Variants in HNRNPUL1 observed in about 807,000 individuals in gnomAD.
HNRNPUL1 encodes heterogeneous nuclear ribonucleoprotein U like 1, also known as heterogeneous nuclear ribonucleoprotein U-like protein 1.
In HNRNPUL1, 14 loss-of-function variants were observed where a neutral mutation model predicts 108.5. That is an observed-to-expected ratio of 0.13 (90% CI 0.09 to 0.20). HNRNPUL1 has a LOEUF of 0.20. HNRNPUL1 is among the 10% of genes least tolerant of loss of function. HNRNPUL1 has a pLI of 1.00. For missense variants in HNRNPUL1, 804 were observed against 1,168.3 expected (o/e 0.69, Z 4.55); for synonymous variants, 422 against 445.2 (o/e 0.95, Z 0.66).
intron 13 of HNRNPUL1, among the ~76,000 whole-genome samples, chr19:41,305,134 G>C (rs1412716346): frequency 6.6e-6 from 1 of 152,144 alleles, no homozygotes; most frequent in East Asian, 1.9e-4. Flanking sequence ...ATTTCATCTT[G>C]AGCCTCAGTT....
At chr19:41,276,476 C>A in intron 5 of HNRNPUL1, 178 bp downstream of exon 5, 1 of 600,804 alleles carries the variant, frequency 1.7e-6, no homozygotes, top group Non-Finnish European at 2.7e-6. Flanking sequence ...AATATCATAT[C>A]AGAAAAGCAG....
chr19:41,286,140 G>A (rs1296096974), intron 7 of HNRNPUL1, among the ~76,000 whole-genome samples: 1 of 150,564 alleles, frequency 6.6e-6, no homozygotes, highest in Non-Finnish European at 1.5e-5. Flanking sequence ...ACATAGGCTA[G>A]TGTCTACAAT....
At chr19:41,303,309 G>GTGAC (rs978002526) in intron 12 of HNRNPUL1, among the ~76,000 whole-genome samples, 7 of 151,016 alleles carry the variant, frequency 4.6e-5, no homozygotes, top group African/African-American at 1.7e-4. Flanking sequence ...AGGACTAGAT[G>GTGAC]TGACTCGTTC....
chr19:41,279,091 C>A lies in HNRNPUL1; in HGVS notation c.801C>A (p.Ile267=), dbSNP rs1486058555. ...TCTTTCCTCAGATCAATGAGGAAAT[C>A]TCCGTGAAGCACCTTCCGTCTACAG... is the stretch of plus-strand genomic sequence containing the variant. ...VCFEMKINEE[I]SVKHLPSTEP... is the part of the protein sequence containing the mutation. Residue 267 remains isoleucine (I), a synonymous_variant, in exon 6 of 15, where the codon ATC becomes ATA. Coordinates refer to ENST00000392006, the MANE Select transcript of HNRNPUL1 (RefSeq NM_007040.6). The A allele has an allele frequency of 6.2e-7, 1 of 1,613,978 alleles. No individual in the cohort carries two copies. Among genetic ancestry groups the A allele is most frequent in the Non-Finnish European group, 8.5e-7 (1 of 1,179,914 alleles).
intron 5 of HNRNPUL1, among the ~76,000 whole-genome samples, chr19:41,277,039 G>A (rs2035598467): frequency 6.6e-6 from 1 of 150,764 alleles, no homozygotes. Context: ...AGAGGTTGCA[G>A]TGAGCCGAGA....
At chr19:41,270,746 A>G (rs1268620193) in intron 2 of HNRNPUL1, among the ~76,000 whole-genome samples, 1 of 151,864 alleles carries the variant, frequency 6.6e-6, no homozygotes, top group Non-Finnish European at 1.5e-5. Context: ...CGGGCGTGCC[A>G]CCACACCCAG....
chr19:41,272,083 A>G lies in HNRNPUL1; in HGVS notation c.420A>G (p.Glu140=). ...EMEQQQAYRP[E]MKTEMKQGAP... Reference sequence around the variant, plus strand: ...CATCTGAATTTGTCTTGACAATAGAAATGAAGACAGAGATGAAGCAAGGAG... The same window carrying G: ...CATCTGAATTTGTCTTGACAATAGAGATGAAGACAGAGATGAAGCAAGGAG... Residue 140 remains glutamate (E), a splice_region_variant and synonymous_variant, in exon 3 of 15, where the codon GAA becomes GAG. Transcript: ENST00000392006. The G allele has an allele frequency of 1.9e-6, 3 of 1,613,780 alleles. No individual in the cohort carries two copies. Among genetic ancestry groups the G allele is most frequent in the Non-Finnish European group, 2.5e-6 (3 of 1,179,884 alleles).
chr19:41,271,343 A>G (rs535360002), intron 2 of HNRNPUL1, among the ~76,000 whole-genome samples: 38 of 152,288 alleles, frequency 2.5e-4, no homozygotes, highest in Middle Eastern at 3.4e-3. Context: ...TGTGAGCCCA[A>G]CCTATTGCTG....
chr19:41,275,341 C>T (rs1486636408), intron 4 of HNRNPUL1, among the ~76,000 whole-genome samples: 2 of 152,044 alleles, frequency 1.3e-5, no homozygotes, highest in Non-Finnish European at 2.9e-5. Context: ...ATAAAAATCA[C>T]CCTGGCATGG....
At chr19:41,279,818 G>A (rs1205989537) in intron 6 of HNRNPUL1, among the ~76,000 whole-genome samples, 5 of 152,212 alleles carry the variant, frequency 3.3e-5, no homozygotes, top group African/African-American at 1.2e-4. Context: ...TCCTAAACCT[G>A]TGAGAGAAAC....
chr19:41,264,997 A>C, intron 1 of HNRNPUL1, 199 bp downstream of exon 1: 1 of 1,359,578 alleles, frequency 7.4e-7, no homozygotes, highest in Non-Finnish European at 9.4e-7. Flanking sequence ...TGCAGGGGGG[A>C]CACTGGGGGA....
chr19:41,298,888 C>T (rs1166692250), intron 10 of HNRNPUL1: 2 of 151,726 alleles, frequency 1.3e-5, no homozygotes, highest in Non-Finnish European at 2.9e-5. Flanking sequence ...ACTCCATGCC[C>T]TCGCAGTTCA....
upstream of HNRNPUL1, chr19:41,264,355 A>G (rs1157224942): frequency 7.1e-6 from 4 of 563,456 alleles, no homozygotes; most frequent in Non-Finnish European, 8.2e-6. Context: ...GTGAGGGGGG[A>G]GGCGGTGGCG....
At chr19:41,282,696 T>C (rs937542730) in intron 7 of HNRNPUL1, among the ~76,000 whole-genome samples, 5 of 150,096 alleles carry the variant, frequency 3.3e-5, no homozygotes, top group African/African-American at 1.2e-4. Flanking sequence ...TTTTTTCTTT[T>C]TTTTTTTTTT....
At chr19:41,269,855 T>G (rs1199339980) in intron 2 of HNRNPUL1, among the ~76,000 whole-genome samples, 1 of 152,084 alleles carries the variant, frequency 6.6e-6, no homozygotes, top group Non-Finnish European at 1.5e-5. Flanking sequence ...TCCCAACACT[T>G]TGGGAGGCTG....
At chr19:41,290,063 G>T (rs1360943538) in intron 7 of HNRNPUL1, among the ~76,000 whole-genome samples, 1 of 152,118 alleles carries the variant, frequency 6.6e-6, no homozygotes, top group East Asian at 1.9e-4. Context: ...AGGCATGAGG[G>T]CCTCTGACAC....
chr19:41,297,278 CA>C (rs2036947606), intron 10 of HNRNPUL1, among the ~76,000 whole-genome samples: 1 of 152,154 alleles, frequency 6.6e-6, no homozygotes, highest in South Asian at 2.1e-4. Flanking sequence ...TGGTTGGGGC[CA>C]TGGTGGGAAT....
chr19:41,264,671 A>G lies in HNRNPUL1; in HGVS notation c.168A>G (p.Arg56=). Residue 56 remains arginine, a synonymous_variant, in exon 1 of 15, where the codon CGA becomes CGG. Coordinates refer to ENST00000392006, the MANE Select transcript of HNRNPUL1 (RefSeq NM_007040.6). ...TCGACGCCGACGACGAACCGGGGCG[A>G]CCCGGGCACATCAACGAGGAGGTCG... ...RELDADDEPG[R]PGHINEEVET... is the part of the protein sequence containing the mutation. 2.5e-6 allele frequency: 4 copies of G among 1,578,854 alleles called. No homozygotes were observed. Among genetic ancestry groups the G allele is most frequent in the Non-Finnish European group, 3.4e-6 (4 of 1,169,460 alleles).
At position 41,264,653 on chromosome 19, in the gene HNRNPUL1, C is replaced by A; in HGVS notation, c.150C>A (p.Ala50=). ...CTGACGACGAGCGGGAGCTCGACGC[C>A]GACGACGAACCGGGGCGACCCGGGC... ...EEPDDERELD[A]DDEPGRPGHI... The change falls in exon 1 of 15, where the codon GCC becomes GCA. Residue 50 remains alanine (A), a synonymous_variant. Coordinates refer to ENST00000392006, the MANE Select transcript of HNRNPUL1 (RefSeq NM_007040.6). The A allele has an allele frequency of 6.3e-7, 1 of 1,584,742 alleles. No individual in the cohort carries two copies. The highest frequency in any genetic ancestry group is 1.4e-5 in the African/African-American group (1 of 73,232).
Sources: allele counts gnomAD v4.1 joint callset (sites outside exome capture counted in the v4.1 genomes callset), GRCh38; gene constraint gnomAD v4.1.1; transcripts MANE v1.5; gene names NCBI Gene and HGNC (gene_info 2026-07-23, HGNC 2026-07-21).